TTC6: variants seen among roughly 807,000 people sequenced by gnomAD.
TTC6 encodes the protein tetratricopeptide repeat domain 6.
In TTC6, 172 loss-of-function variants were observed where a neutral mutation model predicts 210.4. The observed-to-expected ratio is 0.82, with a 90% CI of 0.72 to 0.93. TTC6 has a LOEUF of 0.93. Among genes scored for constraint, TTC6 ranks in the 40% least tolerant of loss-of-function variants. The pLI is 0.00. For synonymous variants in TTC6, 804 were observed against 819.6 expected (o/e 0.98, Z 0.32); for missense variants, 2,414 against 2,318.1 (o/e 1.04, Z -0.85).
chr14:37,640,462 C>A (rs868676131), intron 1 of TTC6, among the ~76,000 whole-genome samples: 1 of 152,162 alleles, frequency 6.6e-6, no homozygotes, highest in African/African-American at 2.4e-5. Context: ...AGGGTAAAAG[C>A]ATCTCCTCCT....
Position 37,828,478 on chromosome 14 carries a change from G to A in TTC6, c.5298+1112G>A, listed in dbSNP as rs547038216. 1.3e-3 allele frequency among the ~76,000 whole-genome samples: 191 copies of A among 152,052 alleles called. 1 individual carries two copies. Among genetic ancestry groups the A allele is most frequent in the South Asian group, 2.3e-3 (11 of 4,816 alleles). On this transcript the variant is annotated intron_variant, in intron 29 of 30. Coordinates refer to ENST00000553443, the Ensembl canonical transcript of TTC6. ...TGGCTCTGTAATGTTTGCTTGTTTAGCTCTGGTGAAATACACATAACATAA... is the reference window on the plus strand; with the variant it reads ...TGGCTCTGTAATGTTTGCTTGTTTAACTCTGGTGAAATACACATAACATAA...
chr14:37,696,813 T>G lies in TTC6; in HGVS notation c.1354T>G (p.Cys452Gly), dbSNP rs775805462. Residue 452 changes from cysteine (C) to glycine (G), a missense_variant, in exon 4 of 31, where the codon TGT becomes GGT. Coordinates refer to ENST00000553443, the Ensembl canonical transcript of TTC6. ...ACCAAGAAAGTCTTCAAAACCTCTT[T>G]GTGATAAAAAACTACATAAAAAGTA... The G allele has an allele frequency of 1.1e-4, 153 of 1,397,530 alleles. No individual in the cohort carries two copies. The East Asian group carries it at 4.1e-3, about 37-fold the overall frequency. 86.6% of individuals were successfully genotyped at this position (1,397,530 alleles called of 1,614,324 possible).
chr14:37,618,370 G>T (rs146619349), upstream of TTC6, among the ~76,000 whole-genome samples: 1 of 152,190 alleles, frequency 6.6e-6, no homozygotes, highest in Non-Finnish European at 1.5e-5. Context: ...AAAGGAAAAG[G>T]CATAGACAGA....
At chr14:37,612,262 T>C (rs1289291358) in intron 2 of TTC6, among the ~76,000 whole-genome samples, 1 of 152,236 alleles carries the variant, frequency 6.6e-6, no homozygotes, top group African/African-American at 2.4e-5. Context: ...ATCACGGATC[T>C]GCTGTGTGAC....
rs148072179 is a variant in TTC6, at chr14:37,832,627, G to A, written c.5298+5261G>A. On this transcript the variant is annotated intron_variant, in intron 29 of 30. Coordinates refer to ENST00000553443, the Ensembl canonical transcript of TTC6. ...TTCATTTGCTTATTTAATTTCCAAA[G>A]CTTCTCTTGTTGTTGATGTTTTATT... 4.2e-4 allele frequency among the ~76,000 whole-genome samples: 64 copies of A among 152,102 alleles called. No homozygotes were observed. The East Asian group carries it at 0.012, about 29-fold the overall frequency.
chr14:37,782,487 G>A (rs2096057532), intron 14 of TTC6, among the ~76,000 whole-genome samples: 1 of 152,122 alleles, frequency 6.6e-6, no homozygotes, highest in African/African-American at 2.4e-5. Context: ...TGTATCCTGA[G>A]ACTTTGCTGA....
intron 1 of TTC6, among the ~76,000 whole-genome samples, chr14:37,632,517 A>G (rs949727203): frequency 1.3e-5 from 2 of 152,140 alleles, no homozygotes; most frequent in African/African-American, 4.8e-5. Flanking sequence ...CACCTGCCAA[A>G]TGCCAGCTGG....
chr14:37,770,223 C>T (rs923555401), intron 14 of TTC6, among the ~76,000 whole-genome samples: 1 of 152,052 alleles, frequency 6.6e-6, no homozygotes. Flanking sequence ...TTACTTCCAA[C>T]TATGTGGTCA....
intron 17 of TTC6, among the ~76,000 whole-genome samples, chr14:37,792,720 A>C (rs541852422): frequency 6.6e-6 from 1 of 151,604 alleles, no homozygotes; most frequent in Non-Finnish European, 1.5e-5. Context: ...ACTATTATCT[A>C]TAATTTTATT....
intron 6 of TTC6, among the ~76,000 whole-genome samples, chr14:37,719,441 C>G (rs577032493): frequency 6.6e-6 from 1 of 151,660 alleles, no homozygotes; most frequent in Non-Finnish European, 1.5e-5. Flanking sequence ...ATCAGTTTAG[C>G]TGACTTCCTG....
chr14:37,840,683 T>C (rs2096207958), intron 29 of TTC6, among the ~76,000 whole-genome samples: 1 of 152,260 alleles, frequency 6.6e-6, no homozygotes, highest in Non-Finnish European at 1.5e-5. Context: ...GATGCAAGGC[T>C]GGTTCAACAT....
At chr14:37,734,089 A>G (rs1339397934) in intron 7 of TTC6, among the ~76,000 whole-genome samples, 1 of 152,160 alleles carries the variant, frequency 6.6e-6, no homozygotes, top group East Asian at 1.9e-4. Flanking sequence ...GAGACTTAGA[A>G]TGGCATTATG....
At chr14:37,603,125 C>T (rs2095618853) in intron 1 of TTC6, among the ~76,000 whole-genome samples, 1 of 152,210 alleles carries the variant, frequency 6.6e-6, no homozygotes, top group Non-Finnish European at 1.5e-5. Context: ...GAAGCGAAGA[C>T]TGCAGAAGCT....
In TTC6 at chr14:37,745,572, G is replaced by A. The variant is rs575087150; in HGVS notation, c.2364-3367G>A. ...GTATTTACTGCCACTGTACATTCTG[G>A]GACTAGGGAAATTATCAAAAAATGG... On this transcript the variant is annotated intron_variant, in intron 10 of 30. Transcript: ENST00000553443. 2.0e-5 allele frequency among the ~76,000 whole-genome samples: 3 copies of A among 152,042 alleles called. No individual in the cohort carries two copies. The East Asian group carries it at 5.8e-4, about 29-fold the overall frequency.
At chr14:37,597,901 C>T (rs2095607538) in intron 1 of TTC6, among the ~76,000 whole-genome samples, 1 of 152,198 alleles carries the variant, frequency 6.6e-6, no homozygotes, top group Non-Finnish European at 1.5e-5. Context: ...CAGCCTCTCT[C>T]CATCTCAGTG....
chr14:37,725,753 T>G (rs188467049), intron 7 of TTC6, among the ~76,000 whole-genome samples: 2 of 152,292 alleles, frequency 1.3e-5, no homozygotes, highest in African/African-American at 4.8e-5. Context: ...AAAGAATGTT[T>G]TATTTGATTG....
intron 1 of TTC6, among the ~76,000 whole-genome samples, chr14:37,599,164 G>T (rs895162404): frequency 6.6e-6 from 1 of 152,198 alleles, no homozygotes; most frequent in African/African-American, 2.4e-5. Context: ...CCAGGGAGCC[G>T]CGAGACTGCG....
At chr14:37,758,258 A>G (rs1281629286) in intron 14 of TTC6, among the ~76,000 whole-genome samples, 1 of 152,116 alleles carries the variant, frequency 6.6e-6, no homozygotes, top group Admixed American at 6.6e-5. Context: ...TCTTGTTGAT[A>G]TGTCCAATAT....
intron 29 of TTC6, among the ~76,000 whole-genome samples, chr14:37,834,679 TC>T (rs2096193753): frequency 6.6e-6 from 1 of 152,204 alleles, no homozygotes; most frequent in Non-Finnish European, 1.5e-5. Context: ...TCACAAAATT[TC>T]TTTTCTTTGG....
Sources: allele counts gnomAD v4.1 joint callset (sites outside exome capture counted in the v4.1 genomes callset), GRCh38; gene constraint gnomAD v4.1.1; transcripts MANE v1.5; gene names NCBI Gene and HGNC (gene_info 2026-07-23, HGNC 2026-07-21).